PRKN: variants seen among roughly 807,000 people sequenced by gnomAD.
PRKN encodes E3 ubiquitin-protein ligase parkin.
PRKN carries 56 observed loss-of-function variants against 59.5 expected under a neutral mutation model. The observed-to-expected ratio is 0.94, with a 90% CI of 0.76 to 1.18. The LOEUF is 1.18. Ranked by LOEUF, PRKN falls within the 50% of genes most tolerant of loss-of-function variation. The pLI, the probability that PRKN is intolerant of heterozygous loss-of-function variation, is 0.00. For missense variants in PRKN, 657 were observed against 596.4 expected (o/e 1.10, Z -1.06); for synonymous variants, 250 against 222.1 (o/e 1.13, Z -1.12).
At chr6:162,439,368 C>T (rs936174263) in intron 2 of PRKN, among the ~76,000 whole-genome samples, 29 of 149,786 alleles carry the variant, frequency 1.9e-4, no homozygotes, top group African/African-American at 7.2e-4. Context: ...CTCTCTCTGC[C>T]CCTCCCTTCC....
In PRKN at chr6:161,410,770, G is replaced by A. The variant is rs1013108752; in HGVS notation, c.1084-23893C>T. Among the ~76,000 whole-genome samples the A allele has an allele frequency of 3.3e-5, 5 of 152,126 alleles. No individual in the cohort carries two copies. Among genetic ancestry groups the A allele is most frequent in the African/African-American group, 4.8e-5 (2 of 41,412 alleles). Reference sequence around the variant, plus strand: ...ATGCATCATTGGTGCTCATGACAACGGCACGCCAAGGGGCTTGATGGCAGC... The same window carrying A: ...ATGCATCATTGGTGCTCATGACAACAGCACGCCAAGGGGCTTGATGGCAGC... On this transcript the variant is annotated intron_variant, in intron 9 of 11. Transcript: ENST00000366898. This position sits in a 1 kb window ranked among gnomAD's most constrained non-coding sequence, Gnocchi z 5.3.
chr6:162,179,965 T>TTTGTGTGTGTG (rs1783717667), intron 4 of PRKN, among the ~76,000 whole-genome samples: 1 of 128,524 alleles, frequency 7.8e-6, no homozygotes, highest in African/African-American at 3.0e-5. Flanking sequence ...TGTTATCTTA[T>TTTGTGTGTGTG]TACTGTGTGT....
At chr6:161,827,757 C>G (rs1792308076) in intron 6 of PRKN, among the ~76,000 whole-genome samples, 1 of 152,166 alleles carries the variant, frequency 6.6e-6, no homozygotes, top group Admixed American at 6.5e-5. Flanking sequence ...ATCCACCCAC[C>G]TTGGCCTCCC....
Position 162,315,339 on chromosome 6 carries a change from C to T in PRKN, c.172-52574G>A, listed in dbSNP as rs1019747635. On this transcript the variant is annotated intron_variant, in intron 2 of 11. Transcript: ENST00000366898. ...CACCTAATGAGTCAATGGCTTTATT[C>T]GGTTAATTCAGTGAAAAGTGCTAAT... 3.3e-5 allele frequency among the ~76,000 whole-genome samples: 5 copies of T among 152,112 alleles called. No homozygotes were observed. In the East Asian group the frequency reaches 7.7e-4, roughly 23 times the overall value.
chr6:162,529,536 G>C (rs1364654781), intron 1 of PRKN, among the ~76,000 whole-genome samples: 3 of 152,130 alleles, frequency 2.0e-5, no homozygotes, highest in Middle Eastern at 3.2e-3. Context: ...GCAGGTCTAT[G>C]CAACCCACCC....
intron 1 of PRKN, chr6:162,568,554 A>G: frequency 1.2e-6 from 1 of 808,824 alleles, no homozygotes; most frequent in Non-Finnish European, 2.1e-6. Flanking sequence ...GGACCCCAAC[A>G]TCCAGGCCGT....
chr6:161,417,177 C>T lies in PRKN; in HGVS notation c.1084-30300G>A, dbSNP rs569105554. Among the ~76,000 whole-genome samples the T allele has an allele frequency of 2.0e-5, 3 of 152,226 alleles. No individual in the cohort carries two copies. The highest frequency in any genetic ancestry group is 4.4e-5 in the Non-Finnish European group (3 of 68,022). On this transcript the variant is annotated intron_variant, in intron 9 of 11. Transcript: ENST00000366898. The surrounding 1 kb of genome is among the most constrained non-coding windows in gnomAD (Gnocchi z 5.4). ...CTGTAAAGTCATCTAACGGGCTTGG[C>T]GCAGTGGCTCACGCCTGTAATCCCA...
At chr6:162,296,746 G>C (rs1162891183) in intron 2 of PRKN, among the ~76,000 whole-genome samples, 1 of 151,934 alleles carries the variant, frequency 6.6e-6, no homozygotes, top group Non-Finnish European at 1.5e-5. Context: ...CTTACTTGAG[G>C]ACAAAAATTA....
At chr6:161,779,143 T>C (rs1330929279) in intron 7 of PRKN, among the ~76,000 whole-genome samples, 2 of 152,068 alleles carry the variant, frequency 1.3e-5, no homozygotes, top group Admixed American at 1.3e-4. Flanking sequence ...TTTCACCACG[T>C]TGGCCAGGCT....
chr6:161,842,465 CT>C (rs1793026835), intron 6 of PRKN, among the ~76,000 whole-genome samples: 1 of 117,608 alleles, frequency 8.5e-6, no homozygotes, highest in Admixed American at 8.2e-5. Context: ...GAATGAGACT[CT>C]AAAAAAAAAA....
chr6:161,392,571 T>C (rs1480453530), intron 9 of PRKN, among the ~76,000 whole-genome samples: 1 of 151,734 alleles, frequency 6.6e-6, no homozygotes, highest in Non-Finnish European at 1.5e-5. Context: ...GGTAGCCATA[T>C]GGCAAATTCC....
intron 1 of PRKN, among the ~76,000 whole-genome samples, chr6:162,458,863 C>T (rs1249063552): frequency 6.6e-6 from 1 of 152,144 alleles, no homozygotes; most frequent in Admixed American, 6.6e-5. Context: ...GTCACTAAGG[C>T]TGGAGTATAG....
chr6:162,320,899 G>A (rs1954952), intron 2 of PRKN, among the ~76,000 whole-genome samples: 111,963 of 151,506 alleles, frequency 0.74, 42,120 homozygotes, highest in African/African-American at 0.87. Context: ...AAAGCAATAT[G>A]CAAAGAAAAT....
At chr6:162,517,270 C>T (rs1777901427) in intron 1 of PRKN, among the ~76,000 whole-genome samples, 1 of 145,738 alleles carries the variant, frequency 6.9e-6, no homozygotes, top group African/African-American at 2.5e-5. Flanking sequence ...TTTTTTGAGA[C>T]GGAGTCCCGC....
In PRKN at chr6:161,360,316, G is replaced by A. The variant is rs145068298; in HGVS notation, c.1168-111C>T. 1.6e-5 allele frequency: 14 copies of A among 862,838 alleles called. No individual in the cohort carries two copies. Among genetic ancestry groups the A allele is most frequent in the South Asian group, 5.4e-5 (4 of 74,316 alleles). 53.4% of individuals were successfully genotyped at this position (862,838 alleles called of 1,614,324 possible). ...AATTCTTGAAGACAGGAGTGCCTTC[G>A]GGCAAGAAGCCTAAATATCAATGCA... On this transcript the variant is annotated intron_variant, in intron 10 of 11. Coordinates refer to ENST00000366898, the MANE Select transcript of PRKN (RefSeq NM_004562.3). The surrounding 1 kb of genome is among the most constrained non-coding windows in gnomAD (Gnocchi z 5.1).
chr6:161,970,939 T>C (rs1583421767), intron 6 of PRKN, among the ~76,000 whole-genome samples: 1 of 152,272 alleles, frequency 6.6e-6, no homozygotes, highest in East Asian at 1.9e-4. Flanking sequence ...GCACGGAGTG[T>C]CCGTGCAGGC....
intron 3 of PRKN, among the ~76,000 whole-genome samples, chr6:162,245,686 G>A (rs1298625264): frequency 6.6e-6 from 1 of 152,014 alleles, no homozygotes; most frequent in East Asian, 1.9e-4. Flanking sequence ...ATCTGCAACC[G>A]GGGTTCTCCA....
intron 2 of PRKN, among the ~76,000 whole-genome samples, chr6:162,386,358 A>G (rs1479144931): frequency 6.6e-6 from 1 of 152,258 alleles, no homozygotes; most frequent in Non-Finnish European, 1.5e-5. Flanking sequence ...TATTTATACT[A>G]AAAATTAAAC....
intron 7 of PRKN, among the ~76,000 whole-genome samples, chr6:161,636,218 G>T (rs913231867): frequency 6.6e-6 from 1 of 152,226 alleles, no homozygotes. Flanking sequence ...CAGCCTAGGG[G>T]AGCCGCATGT....
Sources: allele counts gnomAD v4.1 joint callset (sites outside exome capture counted in the v4.1 genomes callset), GRCh38; gene constraint gnomAD v4.1.1; non-coding constraint Gnocchi (gnomAD v3.1); transcripts MANE v1.5; gene names NCBI Gene and HGNC (gene_info 2026-07-23, HGNC 2026-07-21).